Variants in PDXDC1 observed in about 807,000 individuals in gnomAD.
The protein encoded by PDXDC1 is pyridoxal dependent decarboxylase domain containing 1, also known as pyridoxal-dependent decarboxylase domain-containing protein 1.
Under a neutral mutation model 100.1 loss-of-function variants are expected in PDXDC1, and 42 were observed. That is an observed-to-expected ratio of 0.42 (90% CI 0.33 to 0.54). PDXDC1 has a LOEUF of 0.54. Among genes scored for constraint, PDXDC1 ranks in the 20% least tolerant of loss-of-function variants. The probability of loss-of-function intolerance (pLI) is 0.10; values close to 1 mark genes in which losing one functional copy is unlikely to be tolerated. For synonymous variants in PDXDC1, 260 were observed against 371.7 expected (o/e 0.70, Z 3.46); for missense variants, 636 against 979.2 (o/e 0.65, Z 4.68).
chr16:15,140,277 T>G (rs2048447801), downstream of PDXDC1, among the ~76,000 whole-genome samples: 1 of 149,414 alleles, frequency 6.7e-6, no homozygotes, highest in Non-Finnish European at 1.5e-5. Flanking sequence ...ACACCCTGTC[T>G]CTACCAAAAC....
intron 16 of PDXDC1, among the ~76,000 whole-genome samples, chr16:15,122,120 T>C (rs888871657): frequency 1.4e-4 from 21 of 151,810 alleles, no homozygotes; most frequent in Non-Finnish European, 2.9e-4. Context: ...GCCGAGATCT[T>C]GCCACTGCAC....
intron 1 of PDXDC1, among the ~76,000 whole-genome samples, chr16:14,976,015 C>T (rs949772082): frequency 6.6e-6 from 1 of 152,298 alleles, no homozygotes; most frequent in African/African-American, 2.4e-5. Flanking sequence ...CAGAGCCTAC[C>T]TCTGGTTTCC....
intron 16 of PDXDC1, chr16:15,056,029 CCGGGCCGCCCGCCGCCCCCGCCCCT>C: frequency 1.2e-6 from 1 of 841,228 alleles, no homozygotes. Flanking sequence ...CTTTGCAGCC[CCGGGCCGCCCGCCGCCCCCGCCCCT>C]CGGGCCGCGC....
At chr16:15,039,362 C>T (rs563222023), downstream of PDXDC1, among the ~76,000 whole-genome samples, 1 of 152,156 alleles carries the variant, frequency 6.6e-6, no homozygotes, top group Admixed American at 6.5e-5. Context: ...GAGAAGATTT[C>T]TTTGGGGTGG....
chr16:15,034,294 A>C lies in PDXDC1; in HGVS notation c.1821A>C (p.Glu607Asp). The stretch of plus-strand genomic sequence containing the variant: ...TCTTGGTCTTGCCACAGCTTCTGGA[A>C]AACATGACAGAAGTGGTTCGGAAAG... ...REIEENSRLL[E>D]NMTEVVRKGI... The change falls in exon 20 of 23, where the codon GAA becomes GAC. Residue 607 changes from glutamate to aspartate, a missense_variant. Physicochemically the swap from Glu to Asp is conservative, Grantham distance 45. Around this residue, in one of 4 missense-constraint regions of PDXDC1, gnomAD observed 452 missense variants for 402.9 expected, o/e 1.12. Coordinates refer to ENST00000396410, the MANE Select transcript of PDXDC1 (RefSeq NM_015027.4). The C allele has an allele frequency of 6.2e-7, 1 of 1,613,122 alleles. No homozygotes were observed. The highest frequency in any genetic ancestry group is 8.5e-7 in the Non-Finnish European group (1 of 1,179,850).
At chr16:15,104,243 A>G (rs1196571636) in intron 16 of PDXDC1, 21 of 1,283,352 alleles carry the variant, frequency 1.6e-5, no homozygotes, top group Non-Finnish European at 2.2e-5. Flanking sequence ...CCCTACGATT[A>G]AAAACCTCAG....
chr16:15,093,554 G>A (rs531023763), intron 16 of PDXDC1, among the ~76,000 whole-genome samples: 1 of 152,254 alleles, frequency 6.6e-6, no homozygotes, highest in South Asian at 2.1e-4. Context: ...GCAGGAGCTC[G>A]ATAATTATTA....
chr16:15,073,143 A>AT (rs1275650738), intron 16 of PDXDC1: 9 of 1,549,590 alleles, frequency 5.8e-6, no homozygotes, highest in Non-Finnish European at 7.9e-6. Flanking sequence ...CATCTGCCAT[A>AT]TTTTTTATAA....
At chr16:14,988,287 C>T (rs878998844) in intron 1 of PDXDC1, 4 of 1,613,496 alleles carry the variant, frequency 2.5e-6, no homozygotes, top group African/African-American at 1.3e-5. Flanking sequence ...CTTACTCCTG[C>T]AGAGGGGCTT....
At chr16:15,076,666 A>G (rs746469915) in intron 16 of PDXDC1, 26 of 1,486,190 alleles carry the variant, frequency 1.7e-5, no homozygotes, top group African/African-American at 2.8e-5. Context: ...ACAAAGGGAG[A>G]AAAAAAAAGA....
rs138648808 is a variant in PDXDC1, at chr16:15,028,944, C to G, written c.1271C>G (p.Ser424Trp). The G allele has an allele frequency of 1.4e-4, 232 of 1,613,196 alleles. No individual in the cohort carries two copies. The highest frequency in any genetic ancestry group is 2.6e-5 in the Non-Finnish European group (31 of 1,179,938). The change falls in exon 15 of 23, where the codon TCG becomes TGG. Residue 424 changes from serine to tryptophan, a missense_variant. By Grantham distance (177) the Ser-to-Trp change is radical. Coordinates refer to ENST00000396410, the MANE Select transcript of PDXDC1 (RefSeq NM_015027.4). ...TPSGVGRERH[S>W]CDALNRWLGE... ...TCAGGAGTCGGCCGGGAGAGGCACT[C>G]GTGTGACGCGCTGAATCGCTGGGTG... is the stretch of plus-strand genomic sequence containing the variant.
chr16:14,976,138 C>T (rs1425356346), intron 1 of PDXDC1, among the ~76,000 whole-genome samples: 15 of 152,278 alleles, frequency 9.9e-5, no homozygotes, highest in Admixed American at 9.8e-4. Flanking sequence ...GGTTTCTTCA[C>T]GGATTCCTGC....
chr16:15,066,451 G>A (rs1853042213), intron 16 of PDXDC1, among the ~76,000 whole-genome samples: 1 of 152,012 alleles, frequency 6.6e-6, no homozygotes, highest in African/African-American at 2.4e-5. Context: ...TGGTCAACAT[G>A]ATGAAACCCC....
At position 15,130,079 on chromosome 16, in the gene PDXDC1, T is replaced by C. The variant is rs1022902679; in HGVS notation, c.1400-8800T>C. The C allele has an allele frequency of 1.6e-5, 24 of 1,487,742 alleles. 1 individual carries two copies. The highest frequency in any genetic ancestry group is 2.3e-4 in the Middle Eastern group (1 of 4,256). The allele number at this position is 1,487,742 out of a possible 1,614,324, so 92.2% of individuals were successfully genotyped here. A position where few individuals can be genotyped will look rare whatever the true frequency, so the allele number is the denominator to read the frequency against. ...GTAGTTTACATCCGCTGTCGGCTCC[T>C]GTGAGGACACAGCCGCCGGGCCCAG... On this transcript the variant is annotated intron_variant, in intron 16 of 16. Transcript: ENST00000535621.
chr16:15,093,055 G>A (rs906865132), intron 16 of PDXDC1, among the ~76,000 whole-genome samples: 1 of 152,046 alleles, frequency 6.6e-6, no homozygotes, highest in Non-Finnish European at 1.5e-5. Context: ...CCAGGCTGGA[G>A]TGCAGTGGTG....
intron 1 of PDXDC1, among the ~76,000 whole-genome samples, chr16:14,983,944 C>T (rs1370439815): frequency 2.0e-5 from 3 of 152,254 alleles, no homozygotes; most frequent in Non-Finnish European, 4.4e-5. Flanking sequence ...AGGAGGATCT[C>T]TTGAGCCCAG....
intron 1 of PDXDC1, among the ~76,000 whole-genome samples, chr16:14,997,173 A>AAAATTT (rs766094944): frequency 9.9e-5 from 15 of 152,214 alleles, no homozygotes; most frequent in Non-Finnish European, 1.2e-4. Context: ...ATTCTGCAGA[A>AAAATTT]AAATTTAAAT....
intron 16 of PDXDC1, chr16:15,047,778 A>T: frequency 8.0e-7 from 1 of 1,243,652 alleles, no homozygotes; most frequent in South Asian, 1.2e-5. Context: ...ACACCAGGAA[A>T]CTCAACACGA....
chr16:14,999,010 A>G (rs1972586463), intron 3 of PDXDC1, among the ~76,000 whole-genome samples: 1 of 152,290 alleles, frequency 6.6e-6, no homozygotes, highest in East Asian at 1.9e-4. Context: ...ACTTGAGCCC[A>G]GGAGTTCAAG....
Sources: gnomAD v4.1 joint callset for allele counts (sites outside exome capture counted in the v4.1 genomes callset) on GRCh38, gnomAD v4.1.1 for gene constraint, gnomAD v4.1.1 regional missense constraint, MANE v1.5 for transcripts, NCBI Gene and HGNC (gene_info 2026-07-23, HGNC 2026-07-21) for gene names.